The following GMDS variants were observed in gnomAD, a reference collection of about 807,000 sequenced individuals.
GMDS encodes the protein GDP-mannose 4,6 dehydratase.
Under a neutral mutation model 49.9 loss-of-function variants are expected in GMDS, and 20 were observed. That is an observed-to-expected ratio of 0.40 (90% CI 0.28 to 0.58). GMDS has a LOEUF of 0.58. Among genes scored for constraint, GMDS ranks in the 20% least tolerant of loss-of-function variants. The pLI is 0.42. For synonymous variants in GMDS, 177 were observed against 178.6 expected (o/e 0.99, Z 0.07); for missense variants, 362 against 481.4 (o/e 0.75, Z 2.32).
intron 4 of GMDS, among the ~76,000 whole-genome samples, chr6:2,107,525 G>A (rs1003028321): frequency 6.6e-6 from 1 of 152,132 alleles, no homozygotes; most frequent in East Asian, 1.9e-4. Flanking sequence ...AAATGAAAAA[G>A]GTTTCGTATT....
At chr6:2,136,718 C>T (rs927999789) in intron 1 of GMDS, among the ~76,000 whole-genome samples, 1 of 151,366 alleles carries the variant, frequency 6.6e-6, no homozygotes, top group African/African-American at 2.4e-5. Context: ...AGACCATGTA[C>T]CAAAAAAAAC....
intron 1 of GMDS, among the ~76,000 whole-genome samples, chr6:2,218,611 C>A (rs988317981): frequency 2.0e-5 from 3 of 152,196 alleles, no homozygotes; most frequent in Non-Finnish European, 4.4e-5. Context: ...AAATTCACCT[C>A]AGAGAGTACA....
intron 4 of GMDS, among the ~76,000 whole-genome samples, chr6:2,059,175 CAAAAAAAAAAAAAAAA>C (rs55832305): frequency 1.0e-4 from 3 of 30,004 alleles, no homozygotes; most frequent in South Asian, 4.9e-3. Flanking sequence ...TCCTCTGTCT[CAAAAAAAAAAAAAAAA>C]AAAAAAAAAA....
intron 9 of GMDS, among the ~76,000 whole-genome samples, chr6:1,677,621 A>G (rs958391674): frequency 5.9e-5 from 9 of 152,078 alleles, no homozygotes; most frequent in Admixed American, 1.3e-4. Context: ...CAGCCATAAA[A>G]AAGGATGAGT....
chr6:1,950,744 CATCT>C (rs1763297431), intron 6 of GMDS, among the ~76,000 whole-genome samples: 3 of 152,200 alleles, frequency 2.0e-5, no homozygotes, highest in African/African-American at 7.2e-5. Flanking sequence ...GCATTCATCT[CATCT>C]GTTACAGGTG....
intron 7 of GMDS, among the ~76,000 whole-genome samples, chr6:1,749,936 A>G (rs1162179528): frequency 1.3e-5 from 2 of 152,102 alleles, no homozygotes; most frequent in East Asian, 1.9e-4. Flanking sequence ...GACTCAAGTG[A>G]TCCTCCAGCT....
At chr6:2,192,668 C>T (rs140176957) in intron 1 of GMDS, among the ~76,000 whole-genome samples, 1 of 152,236 alleles carries the variant, frequency 6.6e-6, no homozygotes, top group African/African-American at 2.4e-5. Flanking sequence ...CGCAGCCTCA[C>T]AGAGAGCCAG....
intron 9 of GMDS, among the ~76,000 whole-genome samples, chr6:1,663,788 T>C (rs560345259): frequency 2.0e-5 from 3 of 152,294 alleles, no homozygotes; most frequent in African/African-American, 7.2e-5. Context: ...TGCTGAAATG[T>C]CTCATCAGAG....
intron 9 of GMDS, among the ~76,000 whole-genome samples, chr6:1,683,290 GT>G (rs1475891335): frequency 6.6e-6 from 1 of 152,050 alleles, no homozygotes; most frequent in Non-Finnish European, 1.5e-5. Flanking sequence ...CGCCCGGCTA[GT>G]TTTTTGTATT....
intron 9 of GMDS, among the ~76,000 whole-genome samples, chr6:1,674,553 T>C (rs1393873391): frequency 1.3e-5 from 1 of 79,372 alleles, no homozygotes; most frequent in Non-Finnish European, 2.5e-5. Flanking sequence ...CAACTCTCTC[T>C]CTCTCTCTTT....
intron 9 of GMDS, among the ~76,000 whole-genome samples, chr6:1,700,836 G>C (rs1031354955): frequency 6.6e-6 from 1 of 152,052 alleles, no homozygotes; most frequent in African/African-American, 2.4e-5. Context: ...ACACTCAAAG[G>C]CCATCCCAGC....
chr6:2,148,245 C>A (rs1776672711), intron 1 of GMDS, among the ~76,000 whole-genome samples: 1 of 152,064 alleles, frequency 6.6e-6, no homozygotes, highest in African/African-American at 2.4e-5. Flanking sequence ...TATGACTAAG[C>A]CAAGTGTGGC....
At chr6:1,975,746 C>T (rs2127333424) in intron 4 of GMDS, among the ~76,000 whole-genome samples, 1 of 152,282 alleles carries the variant, frequency 6.6e-6, no homozygotes, top group South Asian at 2.1e-4. Context: ...GAAGACAATG[C>T]ATTTCAAACA....
chr6:1,737,645 A>G (rs921690366), intron 8 of GMDS, among the ~76,000 whole-genome samples: 1 of 149,536 alleles, frequency 6.7e-6, no homozygotes, highest in Non-Finnish European at 1.5e-5. Flanking sequence ...GCACACATAC[A>G]TACACATACA....
chr6:1,882,254 C>T (rs1278873767), intron 7 of GMDS, among the ~76,000 whole-genome samples: 2 of 152,198 alleles, frequency 1.3e-5, no homozygotes, highest in African/African-American at 4.8e-5. Flanking sequence ...AGAAAACTGA[C>T]ATACAATACT....
chr6:2,123,372 A>C (rs1355492110), intron 2 of GMDS, among the ~76,000 whole-genome samples: 4 of 151,962 alleles, frequency 2.6e-5, no homozygotes, highest in African/African-American at 9.7e-5. Flanking sequence ...CATGCCTGAC[A>C]CGCCACCTCA....
chr6:2,229,219 T>C (rs1032342839), intron 1 of GMDS, among the ~76,000 whole-genome samples: 1 of 152,090 alleles, frequency 6.6e-6, no homozygotes, highest in Non-Finnish European at 1.5e-5. Context: ...CAGAAGATCA[T>C]TACGCAAGGC....
intron 1 of GMDS, among the ~76,000 whole-genome samples, chr6:2,186,291 C>G (rs1047112678): frequency 1.6e-4 from 25 of 152,188 alleles, no homozygotes; most frequent in African/African-American, 5.5e-4. Context: ...TCAAAAATCA[C>G]TTCAGATGTT....
chr6:2,212,707 TAAAA>T (rs35503764), intron 1 of GMDS, among the ~76,000 whole-genome samples: 15,125 of 113,546 alleles, frequency 0.13, 858 homozygotes, highest in Middle Eastern at 0.28. Context: ...GATTAACTTG[TAAAA>T]AAAAAAAAAA....
Sources: allele counts gnomAD v4.1 joint callset (sites outside exome capture counted in the v4.1 genomes callset), GRCh38; gene constraint gnomAD v4.1.1; transcripts MANE v1.5; gene names NCBI Gene and HGNC (gene_info 2026-07-23, HGNC 2026-07-21).